The following NBEA variants were observed in gnomAD, a reference collection of about 807,000 sequenced individuals.
NBEA encodes the protein lysosomal-trafficking regulator 2.
Under a neutral mutation model 343.4 loss-of-function variants are expected in NBEA, and 44 were observed. The observed-to-expected ratio is 0.13, with a 90% CI of 0.10 to 0.16. The LOEUF (loss-of-function observed/expected upper bound fraction) is 0.16. Ranked by LOEUF, NBEA falls within the 10% of genes least tolerant of loss-of-function variation. The probability of loss-of-function intolerance (pLI) is 1.00; values close to 1 mark genes in which losing one functional copy is unlikely to be tolerated. For synonymous variants in NBEA, 1,175 were observed against 1,238.7 expected (o/e 0.95, Z 1.08); for missense variants, 2,555 against 3,631.3 (o/e 0.70, Z 7.62).
intron 34 of NBEA, among the ~76,000 whole-genome samples, chr13:35,241,609 G>T (rs2030299521): frequency 6.6e-6 from 1 of 151,726 alleles, no homozygotes; most frequent in Non-Finnish European, 1.5e-5. Context: ...AAGATTGAGA[G>T]TAACATGAGC....
At chr13:35,298,342 G>A (rs1246318826) in intron 35 of NBEA, among the ~76,000 whole-genome samples, 2 of 150,230 alleles carry the variant, frequency 1.3e-5, no homozygotes, top group Non-Finnish European at 1.5e-5. Flanking sequence ...ACAAATGGCA[G>A]CTAATTATGT....
chr13:35,357,723 A>T (rs781287111), intron 38 of NBEA, among the ~76,000 whole-genome samples: 2 of 151,994 alleles, frequency 1.3e-5, no homozygotes, highest in African/African-American at 4.8e-5. Context: ...TGTTGATTTC[A>T]TGTCTTTTGA....
At chr13:35,005,337 G>C (rs1257645815) in intron 1 of NBEA, among the ~76,000 whole-genome samples, 1 of 151,856 alleles carries the variant, frequency 6.6e-6, no homozygotes, top group African/African-American at 2.4e-5. Context: ...TTCCTTCTCT[G>C]TGATGCAAAC....
At chr13:35,248,910 GAGGCCGAGGC>G (rs1366063195) in intron 34 of NBEA, among the ~76,000 whole-genome samples, 7 of 152,230 alleles carry the variant, frequency 4.6e-5, no homozygotes, top group African/African-American at 1.7e-4. Flanking sequence ...AGCACTTTGG[GAGGCCGAGGC>G]AGGCAGATCA....
At chr13:35,083,100 A>G (rs1239723959) in intron 10 of NBEA, among the ~76,000 whole-genome samples, 1 of 152,052 alleles carries the variant, frequency 6.6e-6, no homozygotes, top group Non-Finnish European at 1.5e-5. Flanking sequence ...TTTATGTAAG[A>G]TGTAAGGAAG....
chr13:35,046,991 TA>T (rs1410342554), intron 4 of NBEA, among the ~76,000 whole-genome samples: 2 of 152,184 alleles, frequency 1.3e-5, no homozygotes, highest in Non-Finnish European at 1.5e-5. Context: ...TTGTTTTTCT[TA>T]TTATCGTAAG....
chr13:35,627,754 C>A (rs1177202834), intron 48 of NBEA, among the ~76,000 whole-genome samples: 2 of 151,936 alleles, frequency 1.3e-5, no homozygotes, highest in Admixed American at 1.3e-4. Context: ...AATTATTTTT[C>A]TTTTAAACAT....
intron 1 of NBEA, among the ~76,000 whole-genome samples, chr13:35,025,141 G>A (rs2061975014): frequency 6.6e-6 from 1 of 152,124 alleles, no homozygotes; most frequent in Non-Finnish European, 1.5e-5. Context: ...TTATTTTGTT[G>A]ATAGTTTCTT....
intron 41 of NBEA, among the ~76,000 whole-genome samples, chr13:35,490,996 G>A (rs1042132954): frequency 6.6e-6 from 1 of 151,862 alleles, no homozygotes; most frequent in Non-Finnish European, 1.5e-5. Flanking sequence ...TAGGGTTGTT[G>A]CACAGGTTAA....
In NBEA at chr13:35,615,129, C is replaced by CAAAAAAA. The variant is rs34475826; in HGVS notation, c.7449+8559_7449+8565dup. Among the ~76,000 whole-genome samples the CAAAAAAA allele has an allele frequency of 6.8e-4, 75 of 110,958 alleles. 1 individual carries two copies. Among genetic ancestry groups the CAAAAAAA allele is most frequent in the South Asian group, 1.4e-3 (5 of 3,672 alleles). The allele number at this position is 110,958 out of a possible 152,430, so 72.8% of individuals were successfully genotyped here. ...TGAAACCCCATCTCTACTAAAAATA[C>CAAAAAAA]AAAAAAAAAAAAAACAAAAAAAAAT... On this transcript the variant is annotated intron_variant, in intron 48 of 58. Coordinates refer to ENST00000379939, the MANE Select transcript of NBEA (RefSeq NM_001385012.1).
At chr13:35,123,820 CTATT>C (rs1246522909) in intron 17 of NBEA, among the ~76,000 whole-genome samples, 1 of 151,998 alleles carries the variant, frequency 6.6e-6, no homozygotes, top group African/African-American at 2.4e-5. Context: ...AAAGCATTAT[CTATT>C]CTGAAGATGT....
intron 55 of NBEA, among the ~76,000 whole-genome samples, chr13:35,663,013 G>A (rs964480726): frequency 6.6e-6 from 1 of 152,086 alleles, no homozygotes; most frequent in Non-Finnish European, 1.5e-5. Flanking sequence ...CATAATAGTT[G>A]TACATATTGA....
chr13:35,423,807 G>A (rs1040540773), intron 38 of NBEA, among the ~76,000 whole-genome samples: 2 of 152,068 alleles, frequency 1.3e-5, no homozygotes, highest in African/African-American at 4.8e-5. Flanking sequence ...CCATTTGTTT[G>A]TATCCTCTTT....
At chr13:35,308,454 A>ATATATATATG (rs1712943928) in intron 35 of NBEA, among the ~76,000 whole-genome samples, 1 of 117,128 alleles carries the variant, frequency 8.5e-6, no homozygotes, top group African/African-American at 4.1e-5. Flanking sequence ...ATATATATAT[A>ATATATATATG]TATATATATA....
intron 36 of NBEA, among the ~76,000 whole-genome samples, chr13:35,322,756 T>C (rs1353585154): frequency 6.6e-6 from 1 of 152,248 alleles, no homozygotes; most frequent in Admixed American, 6.5e-5. Flanking sequence ...AAATAAAATG[T>C]TATTTATCTA....
At chr13:35,653,417 G>A (rs973123919) in intron 53 of NBEA, among the ~76,000 whole-genome samples, 13 of 140,852 alleles carry the variant, frequency 9.2e-5, no homozygotes, top group African/African-American at 2.1e-4. Context: ...TGCAACCTCC[G>A]CCTCCCAGGT....
chr13:35,204,598 G>A (rs1214418402), intron 31 of NBEA, among the ~76,000 whole-genome samples: 3 of 152,022 alleles, frequency 2.0e-5, no homozygotes, highest in Non-Finnish European at 2.9e-5. Flanking sequence ...GATTTGGGTG[G>A]GGACACAGCC....
chr13:35,296,818 TCA>T (rs1414225797), intron 35 of NBEA, among the ~76,000 whole-genome samples: 2 of 152,108 alleles, frequency 1.3e-5, no homozygotes, highest in Non-Finnish European at 2.9e-5. Flanking sequence ...TTCATTTTTG[TCA>T]CACATATTTC....
intron 17 of NBEA, among the ~76,000 whole-genome samples, chr13:35,126,058 C>T (rs1201003850): frequency 6.6e-6 from 1 of 152,136 alleles, no homozygotes; most frequent in African/African-American, 2.4e-5. Context: ...CACCTAAAAT[C>T]TCATCTTGAC....
Sources: allele counts gnomAD v4.1 joint callset (sites outside exome capture counted in the v4.1 genomes callset), GRCh38; gene constraint gnomAD v4.1.1; transcripts MANE v1.5; gene names NCBI Gene and HGNC (gene_info 2026-07-23, HGNC 2026-07-21).